The following CHRM5 variants were observed in gnomAD, a reference collection of about 807,000 sequenced individuals.
CHRM5 encodes muscarinic acetylcholine receptor M5.
In CHRM5, 18 loss-of-function variants were observed where a neutral mutation model predicts 39.0. The ratio of observed to expected loss-of-function variants is 0.46; its 90% CI spans 0.32 to 0.68. The LOEUF (loss-of-function observed/expected upper bound fraction) is 0.68, where lower values mean the gene tolerates loss of function less well. Among genes scored for constraint, CHRM5 ranks in the 30% least tolerant of loss-of-function variants. The pLI is 0.04. For synonymous variants in CHRM5, 241 were observed against 246.3 expected (o/e 0.98, Z 0.20); for missense variants, 515 against 651.1 (o/e 0.79, Z 2.28).
intron 1 of CHRM5, among the ~76,000 whole-genome samples, chr15:34,045,072 ATAAAG>A (rs1411282376): frequency 1.3e-5 from 2 of 152,212 alleles, no homozygotes; most frequent in Non-Finnish European, 2.9e-5. Flanking sequence ...ATAATAAAAA[ATAAAG>A]TAATTTAATG....
At chr15:34,017,680 A>T (rs945437300) in intron 1 of CHRM5, among the ~76,000 whole-genome samples, 1 of 152,054 alleles carries the variant, frequency 6.6e-6, no homozygotes, top group African/African-American at 2.4e-5. Context: ...GGGTTTCACC[A>T]TGTTGGCCAG....
chr15:34,065,920 T>C lies in CHRM5; in HGVS notation c.*1604T>C, dbSNP rs1190018901. The C allele has an allele frequency of 6.6e-6, 1 of 152,040 alleles. No individual in the cohort carries two copies. Among genetic ancestry groups the C allele is most frequent in the Non-Finnish European group, 1.5e-5 (1 of 68,026 alleles). The allele number at this position is 152,040 out of a possible 1,614,324, so 9.4% of individuals were successfully genotyped here. On this transcript the variant is annotated 3_prime_UTR_variant, in exon 3 of 3. Coordinates refer to ENST00000383263, the MANE Select transcript of CHRM5 (RefSeq NM_012125.4). The stretch of plus-strand genomic sequence containing the variant: ...CCGGGTCCTTTTCAGTCTCATTTGC[T>C]AAGAGGATGGAAAATTAGCTGGTTT...
At chr15:33,983,172 A>ATGTGTGTG (rs1177287297) in intron 1 of CHRM5, among the ~76,000 whole-genome samples, 1,588 of 93,388 alleles carry the variant, frequency 0.017, 44 homozygotes, top group African/African-American at 0.098. Flanking sequence ...GTGTGTGTGT[A>ATGTGTGTG]TATATACACA....
chr15:33,988,329 T>C (rs2140557641), intron 1 of CHRM5, among the ~76,000 whole-genome samples: 1 of 152,358 alleles, frequency 6.6e-6, no homozygotes, highest in Non-Finnish European at 1.5e-5. Flanking sequence ...AAGCCAGGCA[T>C]ACTTAAGTTT....
In CHRM5 at chr15:33,979,187, A is replaced by G. The variant is rs574406848; in HGVS notation, c.-408+10037A>G. Among the ~76,000 whole-genome samples the G allele has an allele frequency of 2.0e-5, 3 of 152,336 alleles. No individual in the cohort carries two copies. In the South Asian group the frequency reaches 6.2e-4, roughly 32 times the overall value. On this transcript the variant is annotated intron_variant, in intron 1 of 2. Transcript: ENST00000383263. ...CACCTCGTAAACCCCTCTTCAAAAT[A>G]AAAATTGGAATTTAAATGGGTATCT...
intron 2 of CHRM5, among the ~76,000 whole-genome samples, chr15:34,057,347 T>G (rs1260432165): frequency 6.6e-6 from 1 of 151,504 alleles, no homozygotes; most frequent in Non-Finnish European, 1.5e-5. Flanking sequence ...TTTCACCATG[T>G]TAGCCAGGAT....
intron 1 of CHRM5, among the ~76,000 whole-genome samples, chr15:34,018,857 C>G (rs1203683479): frequency 9.3e-6 from 1 of 106,992 alleles, no homozygotes; most frequent in Non-Finnish European, 2.2e-5. Context: ...TTACAGAGTG[C>G]TGATCAGTGC....
chr15:34,005,769 A>G (rs983744358), intron 1 of CHRM5, among the ~76,000 whole-genome samples: 1 of 152,210 alleles, frequency 6.6e-6, no homozygotes, highest in Non-Finnish European at 1.5e-5. Context: ...CCTCACCTGA[A>G]TCAACTTTCA....
chr15:34,063,482 C>T lies in CHRM5; in HGVS notation c.765C>T (p.Arg255=). The change falls in exon 3 of 3, where the codon CGC becomes CGT. Residue 255 remains arginine, a synonymous_variant. Coordinates refer to ENST00000383263, the MANE Select transcript of CHRM5 (RefSeq NM_012125.4). This position sits in a 1 kb window ranked among gnomAD's most constrained non-coding sequence, Gnocchi z 4.1. ...GGGCTCTGTTCAGATCCTGCTTGCG[C>T]TGTCCTCGACCCACCCTGGCCCAGC... ...AHRALFRSCL[R]CPRPTLAQRE... 2 of 1,613,868 alleles carry T rather than the reference C, an allele frequency of 1.2e-6. No individual in the cohort carries two copies. Among genetic ancestry groups the T allele is most frequent in the Non-Finnish European group, 1.7e-6 (2 of 1,180,028 alleles).
At chr15:34,028,507 G>A (rs1374396201) in intron 1 of CHRM5, among the ~76,000 whole-genome samples, 1 of 152,226 alleles carries the variant, frequency 6.6e-6, no homozygotes, top group Non-Finnish European at 1.5e-5. Flanking sequence ...CAAGGCTTTG[G>A]TGAGCTATCA....
intron 1 of CHRM5, among the ~76,000 whole-genome samples, chr15:33,975,135 T>A (rs115025953): frequency 0.014 from 2,205 of 152,168 alleles, 52 homozygotes; most frequent in African/African-American, 0.05. Context: ...AGCCCGCAGG[T>A]CCCCTTCTCA....
At chr15:34,061,906 G>A (rs1027633089) in intron 2 of CHRM5, among the ~76,000 whole-genome samples, 1 of 152,180 alleles carries the variant, frequency 6.6e-6, no homozygotes, top group Non-Finnish European at 1.5e-5. Context: ...CTATAGAATA[G>A]ATACCACTTT....
intron 1 of CHRM5, among the ~76,000 whole-genome samples, chr15:34,021,139 T>C (rs1238289368): frequency 6.6e-6 from 1 of 152,150 alleles, no homozygotes; most frequent in Non-Finnish European, 1.5e-5. Context: ...GCCTATCTTT[T>C]CTCATTTGTG....
intron 1 of CHRM5, among the ~76,000 whole-genome samples, chr15:34,042,558 G>A (rs558716777): frequency 1.1e-4 from 16 of 151,590 alleles, no homozygotes; most frequent in Non-Finnish European, 1.9e-4. Flanking sequence ...GCACCACCAC[G>A]CCCGGCTAAT....
intron 2 of CHRM5, among the ~76,000 whole-genome samples, chr15:34,056,594 T>C (rs2140836657): frequency 6.6e-6 from 1 of 152,342 alleles, no homozygotes; most frequent in African/African-American, 2.4e-5. Flanking sequence ...ACCTTTTCAA[T>C]CATGCATTTG....
chr15:33,973,947 G>C (rs772656189), intron 1 of CHRM5, among the ~76,000 whole-genome samples: 2 of 152,148 alleles, frequency 1.3e-5, no homozygotes, highest in African/African-American at 2.4e-5. Context: ...CTGATAATAG[G>C]CAAGTAGGTA....
In CHRM5 at chr15:34,034,440, C is replaced by CT. The variant is rs35115548; in HGVS notation, c.-407-12094dup. ...TGAGCAACAAAGTGAGACCCAGTTTCTTTTTTAAAAAAAAAAAAAAAGGAA... is the reference window on the plus strand; with the variant it reads ...TGAGCAACAAAGTGAGACCCAGTTTCTTTTTTTAAAAAAAAAAAAAAAGGAA... On this transcript the variant is annotated intron_variant, in intron 1 of 2. Coordinates refer to ENST00000383263, the MANE Select transcript of CHRM5 (RefSeq NM_012125.4). Among the ~76,000 whole-genome samples, 541 of 88,510 alleles carry CT rather than the reference C, an allele frequency of 6.1e-3. 1 individual carries two copies. Among genetic ancestry groups the CT allele is most frequent in the African/African-American group, 0.012 (310 of 26,358 alleles). 58.1% of individuals were successfully genotyped at this position (88,510 alleles called of 152,430 possible).
intron 1 of CHRM5, chr15:33,972,161 A>T (rs909505478): frequency 1.2e-4 from 19 of 152,160 alleles, no homozygotes; most frequent in African/African-American, 4.6e-4. Flanking sequence ...CAAAAGCGGG[A>T]GTAAACATCA....
At chr15:34,037,231 C>A (rs1899184632) in intron 1 of CHRM5, among the ~76,000 whole-genome samples, 1 of 152,050 alleles carries the variant, frequency 6.6e-6, no homozygotes, top group Non-Finnish European at 1.5e-5. Context: ...AAGTCCTGTG[C>A]GCCAGACACC....
Sources: gnomAD v4.1 joint callset for allele counts (sites outside exome capture counted in the v4.1 genomes callset) on GRCh38, gnomAD v4.1.1 for gene constraint, Gnocchi (gnomAD v3.1) non-coding constraint, MANE v1.5 for transcripts, NCBI Gene and HGNC (gene_info 2026-07-23, HGNC 2026-07-21) for gene names.